Variants in MFAP1 observed in about 807,000 individuals in gnomAD.
MFAP1 encodes microfibrillar-associated protein 1.
MFAP1 carries 18 observed loss-of-function variants against 62.2 expected under a neutral mutation model. That is an observed-to-expected ratio of 0.29 (90% CI 0.20 to 0.43). MFAP1 has a LOEUF of 0.43. Among genes scored for constraint, MFAP1 ranks in the 20% least tolerant of loss-of-function variants. MFAP1 has a pLI of 1.00. For missense variants in MFAP1, 355 were observed against 559.7 expected, an observed-to-expected ratio of 0.63 and a Z score of 3.69; for synonymous variants, 175 against 180.4, an observed-to-expected ratio of 0.97 and a Z score of 0.24.
Position 43,822,172 on chromosome 15 carries a change from C to T in MFAP1, c.79+2319G>A, listed in dbSNP as rs142146597. 1.6e-3 allele frequency among the ~76,000 whole-genome samples: 214 copies of T among 135,274 alleles called. 3 individuals are homozygous for T. The highest frequency in any genetic ancestry group is 6.0e-3 in the African/African-American group (209 of 34,928). The allele number at this position is 135,274 out of a possible 152,430, so 88.7% of individuals were successfully genotyped here. ...CCGAGATGGAGCCATTGCACTCCAG[C>T]TTGGTCAACAAGAGTGAAACTCTTT... On this transcript the variant is annotated intron_variant, in intron 1 of 8. Transcript: ENST00000267812.
intron 7 of MFAP1, among the ~76,000 whole-genome samples, chr15:43,808,946 T>C (rs932011218): frequency 2.6e-5 from 4 of 152,248 alleles, no homozygotes; most frequent in African/African-American, 9.6e-5. Context: ...CGGCATTCCA[T>C]CTAATGGTTA....
chr15:43,818,322 A>C (rs1238508717), intron 1 of MFAP1, among the ~76,000 whole-genome samples: 4 of 152,110 alleles, frequency 2.6e-5, no homozygotes, highest in Non-Finnish European at 5.9e-5. Flanking sequence ...CCCAGCCTAC[A>C]AATACAAACA....
chr15:43,804,961 C>T lies in MFAP1; in HGVS notation c.*133G>A. 1 of 992,198 alleles carries T rather than the reference C, an allele frequency of 1.0e-6. No individual in the cohort carries two copies. The highest frequency in any genetic ancestry group is 2.5e-5 in the East Asian group (1 of 40,664). The allele number at this position is 992,198 out of a possible 1,614,324, so 61.5% of individuals were successfully genotyped here. On this transcript the variant is annotated 3_prime_UTR_variant, in exon 9 of 9. Transcript: ENST00000267812. ...AAAGCACCTTCAAAGTCTGGGCTAC[C>T]CAGTATCACAAGTATAGCAGTAAGT...
rs1257395389 is a variant in MFAP1 at position 43,824,565 on chromosome 15, G to C, written c.5C>G (p.Ser2Trp). 1 of 1,614,060 alleles carries C rather than the reference G, an allele frequency of 6.2e-7. No homozygotes were observed. The highest frequency in any genetic ancestry group is 1.3e-5 in the African/African-American group (1 of 74,930). ...TTGCTTCATGAGAGCGCTTGGGACC[G>C]ACATGTTGATGGCAGCGACGGTGAT... Reference protein sequence around the residue: MSVPSALMKQPP... With the variant: MWVPSALMKQPP... Residue 2 changes from serine to tryptophan, a missense_variant, in exon 1 of 9, where the codon TCG becomes TGG. This residue lies in a region of MFAP1 where 29 missense variants were observed against 46.0 expected (regional missense o/e 0.63). Coordinates refer to ENST00000267812, the MANE Select transcript of MFAP1 (RefSeq NM_005926.3).
intron 1 of MFAP1, among the ~76,000 whole-genome samples, chr15:43,819,617 GC>G (rs1240576506): frequency 6.6e-6 from 1 of 151,964 alleles, no homozygotes; most frequent in Non-Finnish European, 1.5e-5. Context: ...TGCAACCTCC[GC>G]CCCCTGGGTT....
intron 1 of MFAP1, among the ~76,000 whole-genome samples, chr15:43,822,308 T>G (rs2087471452): frequency 6.6e-6 from 1 of 150,506 alleles, no homozygotes; most frequent in Non-Finnish European, 1.5e-5. Flanking sequence ...AATGTAAAAA[T>G]CTGATACAAC....
At chr15:43,810,330 G>C (rs2087390957) in intron 6 of MFAP1, among the ~76,000 whole-genome samples, 1 of 150,558 alleles carries the variant, frequency 6.6e-6, no homozygotes, top group Non-Finnish European at 1.5e-5. Context: ...ATAAACCAAA[G>C]ATTACCATCA....
At chr15:43,805,946 CTT>C (rs920691277) in intron 7 of MFAP1, among the ~76,000 whole-genome samples, 14 of 136,860 alleles carry the variant, frequency 1.0e-4, no homozygotes, top group African/African-American at 1.1e-4. Flanking sequence ...TGTATTTCTC[CTT>C]TTTTTTTTTT....
At chr15:43,811,485 A>G (rs2087400783) in intron 6 of MFAP1, among the ~76,000 whole-genome samples, 2 of 149,298 alleles carry the variant, frequency 1.3e-5, no homozygotes, top group South Asian at 4.2e-4. Flanking sequence ...TGTGTAGCTC[A>G]TACTCAGGCA....
rs1490787959 is a variant in MFAP1 at position 43,810,055 on chromosome 15, G to C, written c.888-141C>G. The C allele has an allele frequency of 5.0e-6, 5 of 1,007,704 alleles. No individual in the cohort carries two copies. In the East Asian group the frequency reaches 1.2e-4, roughly 24 times the overall value. 62.4% of individuals were successfully genotyped at this position (1,007,704 alleles called of 1,614,324 possible). On this transcript the variant is annotated intron_variant, in intron 6 of 8. Transcript: ENST00000267812. ...CATTGCCTATTAGGAATCAAGATAA[G>C]GAGCTCAATAAACAAATGGGTGAGT...
chr15:43,809,549 AAG>A (rs2087386410), intron 7 of MFAP1, among the ~76,000 whole-genome samples: 1 of 152,020 alleles, frequency 6.6e-6, no homozygotes, highest in African/African-American at 2.4e-5. Context: ...TTGGGGCCAA[AAG>A]AGAGAACAGT....
At position 43,804,925 on chromosome 15, in the gene MFAP1, C is replaced by T; in HGVS notation, c.*169G>A. On this transcript the variant is annotated 3_prime_UTR_variant, in exon 9 of 9. Coordinates refer to ENST00000267812, the MANE Select transcript of MFAP1 (RefSeq NM_005926.3). ...TTCCTGTGGGTTTCTCAGCATGAGT[C>T]CAAACCTCACAAAGCACCTTCAAAG... 1 of 684,148 alleles carries T rather than the reference C, an allele frequency of 1.5e-6. No individual in the cohort carries two copies. The highest frequency in any genetic ancestry group is 2.9e-5 in the Admixed American group (1 of 34,980). The allele number at this position is 684,148 out of a possible 1,614,324, so 42.4% of individuals were successfully genotyped here.
chr15:43,815,637 A>AT (rs796773976), intron 2 of MFAP1, among the ~76,000 whole-genome samples: 93 of 144,148 alleles, frequency 6.5e-4, no homozygotes, highest in Middle Eastern at 3.6e-3. Flanking sequence ...ATGCATTGGG[A>AT]TTTTTTTTTT....
intron 1 of MFAP1, among the ~76,000 whole-genome samples, chr15:43,823,982 CTCTATCTA>C (rs142139435): frequency 6.6e-6 from 1 of 152,020 alleles, no homozygotes; most frequent in African/African-American, 2.4e-5. Context: ...AACAGGCATT[CTCTATCTA>C]TCTATCTAGT....
intron 7 of MFAP1, among the ~76,000 whole-genome samples, chr15:43,806,392 T>G (rs1011979082): frequency 4.1e-4 from 63 of 152,332 alleles, no homozygotes; most frequent in Admixed American, 2.4e-3. Flanking sequence ...TTCGATTACC[T>G]AGATTCAAAA....
Position 43,814,525 on chromosome 15 carries a change from C to T in MFAP1, c.593G>A (p.Arg198His). 1.2e-6 allele frequency: 2 copies of T among 1,612,806 alleles called. No individual in the cohort carries two copies. Among genetic ancestry groups the T allele is most frequent in the Non-Finnish European group, 1.7e-6 (2 of 1,179,314 alleles). Residue 198 changes from arginine (R) to histidine (H), a missense_variant, in exon 4 of 9, where the codon CGC (arginine) becomes CAC (histidine). Physicochemically the swap from Arg to His is conservative, Grantham distance 29. Transcript: ENST00000267812. ...CTTTCGAATGAAGACTGGCTTAAGG[C>T]GAGGCTCCATCTCATCTTCACTGTC... Reference protein sequence around the residue: ...YTDSEDEMEPRLKPVFIRKKD... With the variant: ...YTDSEDEMEPHLKPVFIRKKD...
At position 43,805,068 on chromosome 15, in the gene MFAP1, C is replaced by G. The variant is rs374489827; in HGVS notation, c.*26G>C. 1.3e-6 allele frequency: 2 copies of G among 1,545,788 alleles called. No homozygotes were observed. The highest frequency in any genetic ancestry group is 1.8e-6 in the Non-Finnish European group (2 of 1,139,466). ...ATGCTGAGACTCCCCTTGTGTTCCA[C>G]AGTTGGAAGAATAAGCAGTTGGACC... On this transcript the variant is annotated 3_prime_UTR_variant, in exon 9 of 9. Transcript: ENST00000267812.
chr15:43,813,162 C>T lies in MFAP1; in HGVS notation c.727-15G>A. On this transcript the variant is annotated splice_polypyrimidine_tract_variant and intron_variant, in intron 5 of 8. Coordinates refer to ENST00000267812, the MANE Select transcript of MFAP1 (RefSeq NM_005926.3). ...TCTTCGACAATCTGGATAGGGAGAA[C>T]AATTCAGCTTGGACTTCCTTACTCT... 2 of 1,614,018 alleles carry T rather than the reference C, an allele frequency of 1.2e-6. No individual in the cohort carries two copies. Among genetic ancestry groups the T allele is most frequent in the Admixed American group, 3.3e-5 (2 of 59,978 alleles).
rs568880077 is a variant in MFAP1 at position 43,806,873 on chromosome 15, AAAAT to A, written c.1048-1412_1048-1409del. Among the ~76,000 whole-genome samples, 127 of 151,690 alleles carry A rather than the reference AAAAT, an allele frequency of 8.4e-4. 1 individual carries two copies. The East Asian group carries it at 0.014, about 17-fold the overall frequency. ...GGTGACAGAGCGAGATTCCATCTCA[AAAAT>A]AAATAAATAAATAAATAAATGAATA... On this transcript the variant is annotated intron_variant, in intron 7 of 8. Transcript: ENST00000267812.
Sources: allele counts gnomAD v4.1 joint callset (sites outside exome capture counted in the v4.1 genomes callset), GRCh38; gene constraint gnomAD v4.1.1; regional missense constraint gnomAD v4.1.1; transcripts MANE v1.5; gene names NCBI Gene and HGNC (gene_info 2026-07-23, HGNC 2026-07-21).